The following ZNF398 variants were observed in gnomAD, a reference collection of about 807,000 sequenced individuals.
The protein encoded by ZNF398 is zinc finger protein 398, also known as zinc finger DNA binding protein ZER6.
ZNF398 carries 18 observed loss-of-function variants against 41.9 expected under a neutral mutation model. The ratio of observed to expected loss-of-function variants is 0.43; its 90% CI spans 0.30 to 0.64. The LOEUF (loss-of-function observed/expected upper bound fraction) is 0.64, where lower values mean the gene tolerates loss of function less well. ZNF398 is among the 30% of genes least tolerant of loss of function. ZNF398 has a pLI of 0.14. For synonymous variants in ZNF398, 260 were observed against 308.8 expected (o/e 0.84, Z 1.66); for missense variants, 669 against 822.8 (o/e 0.81, Z 2.29).
intron 2 of ZNF398, 106 bp downstream of exon 2, chr7:149,154,446 T>G (rs1267961870): frequency 2.2e-5 from 28 of 1,261,380 alleles, no homozygotes; most frequent in Non-Finnish European, 2.9e-5. Flanking sequence ...TAAAGTTTCT[T>G]AAAATATCTC....
At chr7:149,129,049 C>T (rs941998349) in intron 2 of ZNF398, 3 of 152,024 alleles carry the variant, frequency 2.0e-5, no homozygotes, top group Admixed American at 6.6e-5. Context: ...ATCCACCTAC[C>T]TCGGCCTCCC....
At chr7:149,149,045 T>G (rs1290587867) in intron 1 of ZNF398, among the ~76,000 whole-genome samples, 1 of 151,768 alleles carries the variant, frequency 6.6e-6, no homozygotes, top group African/African-American at 2.4e-5. Flanking sequence ...TGTGCACGCC[T>G]GTAGTCCCAG....
At chr7:149,158,124 G>C (rs1724305) in intron 2 of ZNF398, among the ~76,000 whole-genome samples, 29,293 of 152,070 alleles carry the variant, frequency 0.19, 3,424 homozygotes, top group African/African-American at 0.32. Context: ...AGGAAAGGCT[G>C]ATGAGGTAGA....
chr7:149,179,135 C>T lies in ZNF398; in HGVS notation c.1263C>T (p.Asn421=), dbSNP rs769111703. Residue 421 remains asparagine, a synonymous_variant, in exon 6 of 6, where the codon AAC becomes AAT. Coordinates refer to ENST00000475153, the MANE Select transcript of ZNF398 (RefSeq NM_170686.3). This position sits in a 1 kb window ranked among gnomAD's most constrained non-coding sequence, Gnocchi z 6.1. ...SRLTYHLRVH[N]STERPFPCPD... Reference sequence around the variant, plus strand: ...TTACCTACCATCTTCGGGTCCATAACAGCACTGAGCGTCCTTTCCCCTGTC... The same window carrying T: ...TTACCTACCATCTTCGGGTCCATAATAGCACTGAGCGTCCTTTCCCCTGTC... 1.2e-6 allele frequency: 2 copies of T among 1,614,108 alleles called. No homozygotes were observed. Among genetic ancestry groups the T allele is most frequent in the Non-Finnish European group, 8.5e-7 (1 of 1,180,030 alleles).
chr7:149,154,330 A>T lies in ZNF398; in HGVS notation c.410A>T (p.Asp137Val). The stretch of plus-strand genomic sequence containing the variant: ...CGGCTCCCTCCAGGTATTAAGGGAG[A>T]TATCCCAAAGGTAATACCTTCATTT... ...ILRLPPGIKG[D>V]IPKVPVAFDD... The change falls in exon 2 of 6, where the codon GAT becomes GTT. Residue 137 changes from aspartate to valine, a missense_variant. Physicochemically the swap from Asp to Val is radical, Grantham distance 152 (BLOSUM62 -3). Around this residue, in one of 3 missense-constraint regions of ZNF398, gnomAD observed 169 missense variants for 239.5 expected, o/e 0.71. Transcript: ENST00000475153. 6.2e-7 allele frequency: 1 copy of T among 1,611,654 alleles called. No individual in the cohort carries two copies. Among genetic ancestry groups the T allele is most frequent in the African/African-American group, 1.3e-5 (1 of 74,960 alleles).
At chr7:149,151,771 A>C (rs576787422) in intron 1 of ZNF398, among the ~76,000 whole-genome samples, 10 of 151,026 alleles carry the variant, frequency 6.6e-5, no homozygotes, top group South Asian at 2.1e-4. Flanking sequence ...CATTCAACAA[A>C]AATTTCTTTC....
At position 149,149,556 on chromosome 7, in the gene ZNF398, G is replaced by A. The variant is rs549993221; in HGVS notation, c.24+1790G>A. Among the ~76,000 whole-genome samples the A allele has an allele frequency of 2.6e-3, 401 of 152,224 alleles. 5 individuals are homozygous for A. The highest frequency in any genetic ancestry group is 1.5e-3 in the Non-Finnish European group (101 of 68,010). ...ATGTAATCGATTTAAAACATTAATG[G>A]CCGGGTGTGGTGGCTCAAGCCTGTT... On this transcript the variant is annotated intron_variant, in intron 1 of 5. Transcript: ENST00000475153.
chr7:149,136,047 CAT>C (rs201247041), intron 2 of ZNF398, among the ~76,000 whole-genome samples: 4,254 of 152,186 alleles, frequency 0.028, 95 homozygotes, highest in Non-Finnish European at 0.044. Flanking sequence ...GTTTTGGTAT[CAT>C]GTGTAAGAAC....
chr7:149,163,502 A>G (rs1200636746), intron 2 of ZNF398, among the ~76,000 whole-genome samples: 1 of 151,782 alleles, frequency 6.6e-6, no homozygotes, highest in Non-Finnish European at 1.5e-5. Flanking sequence ...CCTCCCAGGT[A>G]GTTGGGACTA....
chr7:149,172,455 C>G (rs1202458), intron 4 of ZNF398, among the ~76,000 whole-genome samples: 28,691 of 151,972 alleles, frequency 0.19, 3,065 homozygotes, highest in African/African-American at 0.28. Context: ...GCGCTCCCCC[C>G]CTTTTTAAAA....
upstream of ZNF398, among the ~76,000 whole-genome samples, chr7:149,144,422 C>G (rs1168849584): frequency 6.6e-6 from 1 of 151,648 alleles, no homozygotes; most frequent in Non-Finnish European, 1.5e-5. Flanking sequence ...GTGATCTTAC[C>G]TCAGCCTCCC....
intron 2 of ZNF398, among the ~76,000 whole-genome samples, chr7:149,160,336 C>G (rs1244979269): frequency 6.6e-6 from 1 of 152,128 alleles, no homozygotes; most frequent in Non-Finnish European, 1.5e-5. Context: ...GAGGCTGAGG[C>G]AGGAGAATGG....
chr7:149,179,415 G>A lies in ZNF398; in HGVS notation c.1543G>A (p.Asp515Asn). 1 of 1,613,732 alleles carries A rather than the reference G, an allele frequency of 6.2e-7. No homozygotes were observed. Among genetic ancestry groups the A allele is most frequent in the Non-Finnish European group, 8.5e-7 (1 of 1,180,000 alleles). The change falls in exon 6 of 6, where the codon GAC becomes AAC. Residue 515 changes from aspartate (D) to asparagine (N), a missense_variant. Asp to Asn is a conservative substitution (Grantham distance 23, BLOSUM62 1). Coordinates refer to ENST00000475153, the MANE Select transcript of ZNF398 (RefSeq NM_170686.3). The surrounding 1 kb of genome is among the most constrained non-coding windows in gnomAD (Gnocchi z 6.1). ...AGGCGAGCGTCCTTACCCCTGCACT[G>A]ACTGCAGTAAGAGCTTCATGCGCAA... ...HTGERPYPCT[D>N]CSKSFMRKEH...
In ZNF398 at chr7:149,152,262, TC is replaced by T. The variant is rs1442654583; in HGVS notation, c.25-1682del. ...AATAATGTGATTTCCCTTAAAGATT[TC>T]TTTTTTTTTTTTTTTGAGACGGAGT... On this transcript the variant is annotated intron_variant, in intron 1 of 5. Transcript: ENST00000475153. Among the ~76,000 whole-genome samples, 5 of 57,982 alleles carry T rather than the reference TC, an allele frequency of 8.6e-5. No individual in the cohort carries two copies. In the South Asian group the frequency reaches 3.4e-3, roughly 40 times the overall value. The allele number at this position is 57,982 out of a possible 152,430, so 38.0% of individuals were successfully genotyped here. A position where few individuals can be genotyped will look rare whatever the true frequency, so the allele number is the denominator to read the frequency against.
chr7:149,136,276 C>A (rs998732890), intron 2 of ZNF398, among the ~76,000 whole-genome samples: 7 of 152,120 alleles, frequency 4.6e-5, no homozygotes, highest in Non-Finnish European at 1.0e-4. Flanking sequence ...GGTTGCAGAG[C>A]GGCCAGGCAG....
At chr7:149,137,908 A>G (rs928902364) in intron 2 of ZNF398, among the ~76,000 whole-genome samples, 17 of 152,128 alleles carry the variant, frequency 1.1e-4, no homozygotes, top group African/African-American at 4.1e-4. Flanking sequence ...TATGTTTTCG[A>G]AAAATATTTG....
chr7:149,160,836 C>T (rs1202443), intron 2 of ZNF398, among the ~76,000 whole-genome samples: 131,061 of 152,096 alleles, frequency 0.86, 56,614 homozygotes, highest in Middle Eastern at 0.96. Flanking sequence ...TTGGTCTGTG[C>T]CTTATTTTTC....
At chr7:149,134,823 C>T (rs1395880978) in intron 2 of ZNF398, among the ~76,000 whole-genome samples, 1 of 152,150 alleles carries the variant, frequency 6.6e-6, no homozygotes. Context: ...CTCTGCCTCC[C>T]TGGTTCAAGC....
chr7:149,159,658 C>T (rs370409920), intron 2 of ZNF398, among the ~76,000 whole-genome samples: 1 of 151,764 alleles, frequency 6.6e-6, no homozygotes, highest in Non-Finnish European at 1.5e-5. Flanking sequence ...AAAAAAAATG[C>T]TCTTTTTCTG....
Sources: gnomAD v4.1 joint callset for allele counts (sites outside exome capture counted in the v4.1 genomes callset) on GRCh38, gnomAD v4.1.1 for gene constraint, gnomAD v4.1.1 regional missense constraint, Gnocchi (gnomAD v3.1) non-coding constraint, MANE v1.5 for transcripts, NCBI Gene and HGNC (gene_info 2026-07-23, HGNC 2026-07-21) for gene names.